NRG3: variants seen among roughly 807,000 people sequenced by gnomAD.
The protein encoded by NRG3 is neuregulin 3, also known as pro-neuregulin-3, membrane-bound isoform.
In NRG3, 31 loss-of-function variants were observed where a neutral mutation model predicts 66.9. The ratio of observed to expected loss-of-function variants is 0.46; its 90% CI spans 0.35 to 0.63. The LOEUF is 0.63. NRG3 is among the 20% of genes least tolerant of loss of function. NRG3 has a pLI of 0.00. For synonymous variants in NRG3, 393 were observed against 359.4 expected (o/e 1.09, Z -1.06); for missense variants, 910 against 878.9 (o/e 1.04, Z -0.45).
chr10:82,003,988 A>AACACACACACACACACACACAC (rs746699197), intron 1 of NRG3, among the ~76,000 whole-genome samples: 7 of 134,422 alleles, frequency 5.2e-5, no homozygotes, highest in African/African-American at 1.4e-4. Context: ...CCTGACTGAA[A>AACACACACACACACACACACAC]ACACACACAC....
Position 82,358,855 on chromosome 10 carries a change from C to G in NRG3, c.940C>G (p.His314Asp). 1 of 1,614,192 alleles carries G rather than the reference C, an allele frequency of 6.2e-7. No individual in the cohort carries two copies. The highest frequency in any genetic ancestry group is 8.5e-7 in the Non-Finnish European group (1 of 1,180,026). ...TGTGATCGAAACCCTGACCGGATCC[C>G]ATAAACACTGTCGGTAAGCCACTGA... ...CFVIETLTGS[H>D]KHCRCKEGYQ... Residue 314 changes from histidine to aspartate, a missense_variant, in exon 2 of 9, where the codon CAT becomes GAT. His to Asp is a moderately conservative substitution (Grantham distance 81). Coordinates refer to ENST00000372141, the MANE Select transcript of NRG3 (RefSeq NM_001010848.4).
chr10:82,284,707 G>A (rs994313742), intron 1 of NRG3, among the ~76,000 whole-genome samples: 1 of 151,818 alleles, frequency 6.6e-6, no homozygotes, highest in Non-Finnish European at 1.5e-5. Context: ...AATACAAATG[G>A]CATTGAAAAA....
At chr10:82,258,977 C>T (rs2077879667) in intron 1 of NRG3, among the ~76,000 whole-genome samples, 1 of 152,048 alleles carries the variant, frequency 6.6e-6, no homozygotes, top group Non-Finnish European at 1.5e-5. Context: ...GCAGATTGGG[C>T]CTGAAACTGA....
chr10:82,276,806 A>T (rs906677336), intron 1 of NRG3, among the ~76,000 whole-genome samples: 3 of 152,038 alleles, frequency 2.0e-5, no homozygotes, highest in African/African-American at 7.2e-5. Flanking sequence ...TTACCATGTA[A>T]TACACACTCA....
At chr10:82,836,806 A>G (rs1048745555) in intron 3 of NRG3, among the ~76,000 whole-genome samples, 1 of 151,774 alleles carries the variant, frequency 6.6e-6, no homozygotes, top group African/African-American at 2.4e-5. Context: ...ATATGTATAC[A>G]TGTGCCACAT....
intron 1 of NRG3, among the ~76,000 whole-genome samples, chr10:81,989,667 T>C (rs189447534): frequency 6.6e-6 from 1 of 152,302 alleles, no homozygotes; most frequent in Admixed American, 6.5e-5. Context: ...CTGTCATTTT[T>C]GGATTTGAGG....
intron 3 of NRG3, among the ~76,000 whole-genome samples, chr10:82,783,155 A>C (rs2060191359): frequency 6.6e-6 from 1 of 152,096 alleles, no homozygotes; most frequent in African/African-American, 2.4e-5. Context: ...AAAATTCAAC[A>C]ACGCTTCATG....
chr10:82,771,285 T>C (rs1212718727), intron 3 of NRG3, among the ~76,000 whole-genome samples: 2 of 152,226 alleles, frequency 1.3e-5, no homozygotes, highest in African/African-American at 2.4e-5. Context: ...TCGAGTCATA[T>C]GAATGAAGTA....
At chr10:82,432,517 G>A (rs2089888896) in intron 2 of NRG3, among the ~76,000 whole-genome samples, 1 of 146,480 alleles carries the variant, frequency 6.8e-6, no homozygotes, top group African/African-American at 2.5e-5. Context: ...AAAAAAAACA[G>A]GATACATGTG....
intron 1 of NRG3, among the ~76,000 whole-genome samples, chr10:82,179,625 C>T (rs1297769840): frequency 6.6e-6 from 1 of 151,814 alleles, no homozygotes; most frequent in Non-Finnish European, 1.5e-5. Flanking sequence ...ATGCCAGTAC[C>T]ATATTTTTTT....
intron 1 of NRG3, among the ~76,000 whole-genome samples, chr10:82,356,609 A>G (rs1423262871): frequency 2.0e-5 from 3 of 152,210 alleles, no homozygotes. Flanking sequence ...TTTGTGCCAA[A>G]GTATTAACAA....
chr10:81,908,596 G>A (rs538988998), intron 1 of NRG3, among the ~76,000 whole-genome samples: 7 of 152,180 alleles, frequency 4.6e-5, no homozygotes, highest in Admixed American at 2.6e-4. Context: ...ATATGATTAC[G>A]GGGTTCAAAT....
At chr10:82,042,159 G>T (rs2063072862) in intron 1 of NRG3, among the ~76,000 whole-genome samples, 1 of 151,788 alleles carries the variant, frequency 6.6e-6, no homozygotes, top group South Asian at 2.1e-4. Context: ...TACTGATTTT[G>T]AACACGAAAC....
At chr10:82,509,662 C>G in intron 2 of NRG3, among the ~76,000 whole-genome samples, 1 of 152,192 alleles carries the variant, frequency 6.6e-6, no homozygotes, top group East Asian at 1.9e-4. Context: ...CAGGACACCA[C>G]TGTGTTCCCC....
chr10:82,234,406 A>G (rs2076652087), intron 1 of NRG3, among the ~76,000 whole-genome samples: 1 of 152,172 alleles, frequency 6.6e-6, no homozygotes, highest in Non-Finnish European at 1.5e-5. Context: ...GCAGCTGATC[A>G]CAGTTGCGAT....
chr10:82,770,870 C>T (rs771253391), intron 3 of NRG3, among the ~76,000 whole-genome samples: 24 of 151,992 alleles, frequency 1.6e-4, no homozygotes, highest in Non-Finnish European at 2.9e-4. Context: ...AAATGGAATT[C>T]GGGTCTCCCC....
intron 1 of NRG3, among the ~76,000 whole-genome samples, chr10:81,926,693 A>T (rs12240852): frequency 0.031 from 4,709 of 152,212 alleles, 274 homozygotes; most frequent in African/African-American, 0.11. Flanking sequence ...CAAATCAGTT[A>T]TGAAGATAAA....
At chr10:82,034,220 G>A (rs2062692594) in intron 1 of NRG3, among the ~76,000 whole-genome samples, 1 of 152,086 alleles carries the variant, frequency 6.6e-6, no homozygotes, top group Non-Finnish European at 1.5e-5. Context: ...AGTCTATAAT[G>A]AGTAGACAGA....
Position 82,228,235 on chromosome 10 carries a change from A to C in NRG3, c.824-130504A>C, listed in dbSNP as rs931438245. ...AGGAGTGAGTGATTCACAAGATAGT[A>C]TGAGTATATATAAACATAAATTTAT... On this transcript the variant is annotated intron_variant, in intron 1 of 8. Transcript: ENST00000372141. 9.8e-5 allele frequency among the ~76,000 whole-genome samples: 15 copies of C among 152,334 alleles called. No homozygotes were observed. The East Asian group carries it at 2.9e-3, about 29-fold the overall frequency.
Sources: gnomAD v4.1 joint callset for allele counts (sites outside exome capture counted in the v4.1 genomes callset) on GRCh38, gnomAD v4.1.1 for gene constraint, MANE v1.5 for transcripts, NCBI Gene and HGNC (gene_info 2026-07-23, HGNC 2026-07-21) for gene names.